The following RGS7BP variants were observed in gnomAD, a reference collection of about 807,000 sequenced individuals.
The protein encoded by RGS7BP is regulator of G protein signaling 7-binding protein.
In RGS7BP, 9 loss-of-function variants were observed where a neutral mutation model predicts 31.3. That is an observed-to-expected ratio of 0.29 (90% confidence interval 0.17 to 0.50). The LOEUF (loss-of-function observed/expected upper bound fraction) is 0.50. RGS7BP is among the 20% of genes least tolerant of loss of function. The pLI, the probability that RGS7BP is intolerant of heterozygous loss-of-function variation, is 0.98. For missense variants in RGS7BP, 274 were observed against 322.0 expected, an observed-to-expected ratio of 0.85 and a Z score of 1.14; for synonymous variants, 115 against 120.1, an observed-to-expected ratio of 0.96 and a Z score of 0.28.
intron 2 of RGS7BP, among the ~76,000 whole-genome samples, chr5:64,570,155 T>C (rs530115074): frequency 2.6e-5 from 4 of 152,222 alleles, no homozygotes; most frequent in African/African-American, 7.2e-5. Context: ...TACAGACTTT[T>C]ATAGAATAGC....
chr5:64,533,250 G>A (rs561956649), intron 2 of RGS7BP, among the ~76,000 whole-genome samples: 4 of 152,268 alleles, frequency 2.6e-5, no homozygotes, highest in Middle Eastern at 3.4e-3. Flanking sequence ...GAGAGAGACT[G>A]ATGTGGTTGG....
chr5:64,539,791 C>T, intron 2 of RGS7BP: 1 of 152,062 alleles, frequency 6.6e-6, no homozygotes, highest in East Asian at 1.9e-4. Context: ...GTGAAACCCT[C>T]TTTTAAAAAA....
chr5:64,560,358 G>T (rs1269941677), intron 2 of RGS7BP, among the ~76,000 whole-genome samples: 1 of 152,010 alleles, frequency 6.6e-6, no homozygotes, highest in African/African-American at 2.4e-5. Context: ...GCATTCTGTG[G>T]TTTAAACCCT....
intron 3 of RGS7BP, among the ~76,000 whole-genome samples, chr5:64,580,582 A>C (rs186715607): frequency 2.3e-3 from 345 of 151,422 alleles, no homozygotes; most frequent in African/African-American, 7.6e-3. Flanking sequence ...ATAAATATAT[A>C]GGTATATAAA....
At chr5:64,573,304 A>G (rs147255270) in intron 2 of RGS7BP, among the ~76,000 whole-genome samples, 57 of 152,210 alleles carry the variant, frequency 3.7e-4, no homozygotes, top group Non-Finnish European at 6.6e-4. Flanking sequence ...CTAGCTGTAA[A>G]ATAATAAACT....
At chr5:64,535,467 G>A (rs1327150068) in intron 2 of RGS7BP, among the ~76,000 whole-genome samples, 4 of 152,006 alleles carry the variant, frequency 2.6e-5, no homozygotes, top group Non-Finnish European at 5.9e-5. Flanking sequence ...AATAACTTCT[G>A]GAAAGATGCT....
intron 2 of RGS7BP, among the ~76,000 whole-genome samples, chr5:64,523,420 C>T (rs1433655979): frequency 1.3e-5 from 2 of 152,140 alleles, no homozygotes; most frequent in African/African-American, 4.8e-5. Context: ...TATGTTGGCC[C>T]ATAGAAAAAT....
chr5:64,576,356 G>A (rs531653948), intron 3 of RGS7BP, among the ~76,000 whole-genome samples: 2 of 152,242 alleles, frequency 1.3e-5, no homozygotes, highest in East Asian at 3.9e-4. Context: ...TCATTCTCTG[G>A]CTTAAACCAT....
intron 5 of RGS7BP, among the ~76,000 whole-genome samples, chr5:64,608,903 G>C (rs376897184): frequency 5.9e-4 from 90 of 152,094 alleles, no homozygotes; most frequent in African/African-American, 2.0e-3. Flanking sequence ...GGAACATTTG[G>C]TCATAGCTGG....
At chr5:64,555,113 A>G (rs985349682) in intron 2 of RGS7BP, among the ~76,000 whole-genome samples, 3 of 152,104 alleles carry the variant, frequency 2.0e-5, no homozygotes, top group African/African-American at 7.2e-5. Context: ...ATGGAATGAT[A>G]CCACAAAATA....
chr5:64,598,770 T>TA (rs1196305700), intron 5 of RGS7BP, among the ~76,000 whole-genome samples: 4 of 152,220 alleles, frequency 2.6e-5, no homozygotes, highest in Admixed American at 1.3e-4. Context: ...TAATTATCTT[T>TA]AAAAAGTAAT....
intron 2 of RGS7BP, among the ~76,000 whole-genome samples, chr5:64,527,606 T>TAAAAAA (rs59081277): frequency 1.2e-5 from 1 of 86,464 alleles, no homozygotes; most frequent in African/African-American, 4.3e-5. Flanking sequence ...CTTATAACAG[T>TAAAAAA]AAAAAAAAAA....
intron 2 of RGS7BP, among the ~76,000 whole-genome samples, chr5:64,527,690 C>T (rs1270713942): frequency 7.1e-6 from 1 of 141,796 alleles, no homozygotes; most frequent in Non-Finnish European, 1.5e-5. Flanking sequence ...ATAAATAACG[C>T]ATACCCAGGT....
intron 2 of RGS7BP, among the ~76,000 whole-genome samples, chr5:64,572,505 A>G (rs572926095): frequency 1.3e-5 from 2 of 152,168 alleles, no homozygotes; most frequent in Non-Finnish European, 2.9e-5. Flanking sequence ...AAACTCTAAC[A>G]TAAAAGATAC....
At chr5:64,554,261 C>A (rs1741868662) in intron 2 of RGS7BP, among the ~76,000 whole-genome samples, 1 of 152,172 alleles carries the variant, frequency 6.6e-6, no homozygotes, top group Admixed American at 6.6e-5. Context: ...CTGTTCTACA[C>A]AAGGAGGCCT....
chr5:64,528,629 T>G (rs1195930675), intron 2 of RGS7BP, among the ~76,000 whole-genome samples: 2 of 151,748 alleles, frequency 1.3e-5, no homozygotes, highest in Admixed American at 6.6e-5. Flanking sequence ...CTGGCCAACA[T>G]GGTGAAACCC....
rs896447075 is a variant in RGS7BP at position 64,506,566 on chromosome 5, C to T, written c.-59C>T. On this transcript the variant is annotated 5_prime_UTR_variant, in exon 1 of 6. Transcript: ENST00000334025. The surrounding 1 kb of genome is among the most constrained non-coding windows in gnomAD (Gnocchi z 4.6). ...TGGCGGCGGCGCCCAGGGCAACAAC[C>T]GGGCCGCCCGCGCCGGGGCGCACTG... The T allele has an allele frequency of 3.3e-6, 5 of 1,507,532 alleles. No homozygotes were observed. In the African/African-American group the frequency reaches 5.6e-5, roughly 17 times the overall value. The allele number at this position is 1,507,532 out of a possible 1,614,324, so 93.4% of individuals were successfully genotyped here.
chr5:64,560,310 CT>C (rs1357816333), intron 2 of RGS7BP, among the ~76,000 whole-genome samples: 1 of 152,210 alleles, frequency 6.6e-6, no homozygotes, highest in African/African-American at 2.4e-5. Context: ...GGCCCCACCC[CT>C]GACCCACTGA....
intron 2 of RGS7BP, among the ~76,000 whole-genome samples, chr5:64,530,860 T>G (rs1278221789): frequency 1.3e-5 from 2 of 152,086 alleles, no homozygotes; most frequent in Non-Finnish European, 2.9e-5. Context: ...AGGGAACCAT[T>G]ATAATCACAT....
Sources: gnomAD v4.1 joint callset for allele counts (sites outside exome capture counted in the v4.1 genomes callset) on GRCh38, gnomAD v4.1.1 for gene constraint, Gnocchi (gnomAD v3.1) non-coding constraint, MANE v1.5 for transcripts, NCBI Gene and HGNC (gene_info 2026-07-23, HGNC 2026-07-21) for gene names.